The following PEAK1 variants were observed in gnomAD, a reference collection of about 807,000 sequenced individuals.
PEAK1 encodes inactive tyrosine-protein kinase PEAK1.
PEAK1 carries 54 observed loss-of-function variants against 124.7 expected under a neutral mutation model. The observed-to-expected ratio is 0.43, with a 90% CI of 0.35 to 0.54. The LOEUF is 0.54. Among genes scored for constraint, PEAK1 ranks in the 20% least tolerant of loss-of-function variants. PEAK1 has a pLI of 0.01. For synonymous variants in PEAK1, 719 were observed against 760.0 expected, an observed-to-expected ratio of 0.95 and a Z score of 0.89; for missense variants, 2,046 against 2,134.5, an observed-to-expected ratio of 0.96 and a Z score of 0.82.
chr15:77,401,239 CAAT>C (rs1265623099), intron 1 of PEAK1, among the ~76,000 whole-genome samples: 1 of 152,140 alleles, frequency 6.6e-6, no homozygotes, highest in East Asian at 1.9e-4. Flanking sequence ...TAATGGTTCA[CAAT>C]AATATCATCA....
At chr15:77,282,046 A>G (rs1364336641) in intron 5 of PEAK1, among the ~76,000 whole-genome samples, 2 of 152,336 alleles carry the variant, frequency 1.3e-5, no homozygotes, top group Non-Finnish European at 1.5e-5. Context: ...AAACCAATCA[A>G]TATTTCCATA....
chr15:77,288,322 C>G (rs1463664528), intron 2 of PEAK1, among the ~76,000 whole-genome samples: 3 of 152,132 alleles, frequency 2.0e-5, no homozygotes, highest in Admixed American at 2.0e-4. Flanking sequence ...TCATGCTGTT[C>G]TCTTTGCCAG....
intron 5 of PEAK1, among the ~76,000 whole-genome samples, chr15:77,266,122 G>T (rs1435779560): frequency 6.6e-6 from 1 of 152,064 alleles, no homozygotes; most frequent in Non-Finnish European, 1.5e-5. Context: ...AGAGGGGGGA[G>T]GGATAGCATT....
rs532363831 is a variant in PEAK1 at position 77,348,332 on chromosome 15, T to C, written c.-603+16831A>G. The C allele has an allele frequency of 1.4e-4, 120 of 876,412 alleles. No individual in the cohort carries two copies. In the African/African-American group the frequency reaches 2.1e-3, roughly 15 times the overall value. 54.3% of individuals were successfully genotyped at this position (876,412 alleles called of 1,614,324 possible). On this transcript the variant is annotated intron_variant, in intron 2 of 9. Coordinates refer to ENST00000682557, the MANE Select transcript of PEAK1 (RefSeq NM_001385026.1). Reference sequence around the variant, plus strand: ...ATGCCACCTACTCTTACAAGATTGATAGGAATATTAAATAAAACAGGTTAA... The same window carrying C: ...ATGCCACCTACTCTTACAAGATTGACAGGAATATTAAATAAAACAGGTTAA...
At position 77,112,057 on chromosome 15, in the gene PEAK1, G is replaced by C. The variant is rs942220319; in HGVS notation, c.*2099C>G. 2.6e-5 allele frequency: 4 copies of C among 152,264 alleles called. No homozygotes were observed. Among genetic ancestry groups the C allele is most frequent in the Non-Finnish European group, 5.9e-5 (4 of 68,088 alleles). 9.4% of individuals were successfully genotyped at this position (152,264 alleles called of 1,614,324 possible). On this transcript the variant is annotated 3_prime_UTR_variant, in exon 10 of 10. Transcript: ENST00000682557. Reference sequence around the variant, plus strand: ...GCGCGGCCATGCCACAGGACACCAAGAGCAGACTGCTGGCCTGCAGCAGCA... The same window carrying C: ...GCGCGGCCATGCCACAGGACACCAACAGCAGACTGCTGGCCTGCAGCAGCA...
intron 2 of PEAK1, chr15:77,355,801 G>C: frequency 2.0e-6 from 2 of 985,312 alleles, no homozygotes; most frequent in Non-Finnish European, 2.4e-6. Context: ...TCCAATTCCT[G>C]TAGAATCGGA....
Position 77,180,159 on chromosome 15 carries a change from A to T in PEAK1, c.1768T>A (p.Leu590Met). 1 of 1,614,080 alleles carries T rather than the reference A, an allele frequency of 6.2e-7. No individual in the cohort carries two copies. The highest frequency in any genetic ancestry group is 1.3e-5 in the African/African-American group (1 of 75,030). ...SKTIPVKSPN[L>M]SEIKFNSYNN... ...TAACTATTAAATTTAATTTCAGACAAATTAGGTGACTTAACAGGGATGGTT... is the reference window on the plus strand; with the variant it reads ...TAACTATTAAATTTAATTTCAGACATATTAGGTGACTTAACAGGGATGGTT... The change falls in exon 7 of 10, where the codon TTG becomes ATG. Residue 590 changes from leucine (L) to methionine (M), a missense_variant. Coordinates refer to ENST00000682557, the MANE Select transcript of PEAK1 (RefSeq NM_001385026.1).
intron 8 of PEAK1, chr15:77,155,599 C>T (rs1355234675): frequency 6.6e-6 from 1 of 152,136 alleles, no homozygotes; most frequent in African/African-American, 2.4e-5. Context: ...TCTGTTTTTT[C>T]CCCATCTTTG....
At chr15:77,349,982 G>T (rs2067107974) in intron 2 of PEAK1, 1 of 984,826 alleles carries the variant, frequency 1.0e-6, no homozygotes, top group Middle Eastern at 5.2e-4. Flanking sequence ...AAAGGATCAA[G>T]CATTATAGGA....
intron 7 of PEAK1, chr15:77,178,571 T>C (rs2057028143): frequency 3.7e-6 from 2 of 545,502 alleles, no homozygotes; most frequent in Admixed American, 3.3e-5. Context: ...TGCAGTAGGC[T>C]ACTTAAGCCA....
chr15:77,257,952 C>A lies in PEAK1; in HGVS notation c.-274-5426G>T, dbSNP rs192278062. Among the ~76,000 whole-genome samples, 39 of 152,296 alleles carry A rather than the reference C, an allele frequency of 2.6e-4. 1 individual carries two copies. In the South Asian group the frequency reaches 6.2e-3, roughly 24 times the overall value. ...GTTTCAGCTTTCTACATATAGCTAG[C>A]CAGTTTTCCCATCACCATTTATTAA... On this transcript the variant is annotated intron_variant, in intron 5 of 9. Coordinates refer to ENST00000682557, the MANE Select transcript of PEAK1 (RefSeq NM_001385026.1).
intron 1 of PEAK1, among the ~76,000 whole-genome samples, chr15:77,375,991 T>A (rs961511063): frequency 1.4e-5 from 2 of 147,866 alleles, no homozygotes; most frequent in Non-Finnish European, 3.0e-5. Flanking sequence ...AGAGCGAGAC[T>A]CCGTCTCAAA....
rs1157609589 is a variant in PEAK1, at chr15:77,133,649, G to C, written c.3433C>G (p.Pro1145Ala). Residue 1145 changes from proline (P) to alanine (A), a missense_variant, in exon 9 of 10, where the codon CCC (proline) becomes GCC (alanine). Transcript: ENST00000682557. The surrounding 1 kb of genome is among the most constrained non-coding windows in gnomAD (Gnocchi z 4.2). ...AFGGKTDQEA[P>A]NASQPTPPPL... ...GGTGGTGTAGGTTGGGAAGCATTGG[G>C]TGCTTCTTGGTCTGTTTTCCCTCCA... The C allele has an allele frequency of 3.7e-6, 6 of 1,614,120 alleles. No homozygotes were observed. Among genetic ancestry groups the C allele is most frequent in the Non-Finnish European group, 5.1e-6 (6 of 1,180,022 alleles).
intron 1 of PEAK1, among the ~76,000 whole-genome samples, chr15:77,374,651 A>C (rs1255678458): frequency 5.9e-5 from 9 of 152,120 alleles, no homozygotes; most frequent in African/African-American, 1.9e-4. Context: ...TTTAAATATC[A>C]CTTTTTAATA....
At chr15:77,371,150 G>A in intron 1 of PEAK1, 1 of 968,256 alleles carries the variant, frequency 1.0e-6, no homozygotes, top group Non-Finnish European at 1.2e-6. Flanking sequence ...AACCAAAAGG[G>A]CTGAAAGTAA....
At chr15:77,162,708 C>A (rs1429877038) in intron 7 of PEAK1, among the ~76,000 whole-genome samples, 1 of 152,002 alleles carries the variant, frequency 6.6e-6, no homozygotes, top group Non-Finnish European at 1.5e-5. Context: ...TTCTCTATTG[C>A]TTTGATTTTC....
chr15:77,134,237 C>CT (rs902171435), intron 8 of PEAK1, among the ~76,000 whole-genome samples: 1 of 152,162 alleles, frequency 6.6e-6, no homozygotes, highest in African/African-American at 2.4e-5. Context: ...CTATTCTGTT[C>CT]TTTTTATTCC....
At chr15:77,361,052 C>T (rs1430516888) in intron 2 of PEAK1, among the ~76,000 whole-genome samples, 1 of 151,974 alleles carries the variant, frequency 6.6e-6, no homozygotes, top group African/African-American at 2.4e-5. Context: ...TCTGTACAGC[C>T]AATGACACAA....
intron 1 of PEAK1, among the ~76,000 whole-genome samples, chr15:77,398,802 T>C (rs996094244): frequency 2.0e-5 from 3 of 152,052 alleles, no homozygotes; most frequent in African/African-American, 4.8e-5. Context: ...AATATCCAAA[T>C]TGGAAAGAAA....
Sources: allele counts gnomAD v4.1 joint callset (sites outside exome capture counted in the v4.1 genomes callset), GRCh38; gene constraint gnomAD v4.1.1; non-coding constraint Gnocchi (gnomAD v3.1); transcripts MANE v1.5; gene names NCBI Gene and HGNC (gene_info 2026-07-23, HGNC 2026-07-21).